SAR1A: variants seen among roughly 807,000 people sequenced by gnomAD.
SAR1A encodes the protein small COPII coat GTPase SAR1A.
SAR1A carries 6 observed loss-of-function variants against 22.6 expected under a neutral mutation model. That is an observed-to-expected ratio of 0.27 (90% CI 0.15 to 0.52). The LOEUF (loss-of-function observed/expected upper bound fraction) is 0.52. SAR1A is among the 20% of genes least tolerant of loss of function. The pLI is 0.96. For synonymous variants in SAR1A, 70 were observed against 82.2 expected (o/e 0.85, Z 0.80); for missense variants, 145 against 245.1 (o/e 0.59, Z 2.73).
intron 1 of SAR1A, among the ~76,000 whole-genome samples, chr10:70,162,437 G>GGAAAA (rs1299112110): frequency 6.3e-5 from 8 of 126,782 alleles, no homozygotes; most frequent in Non-Finnish European, 9.9e-5. Flanking sequence ...GGAAAGGAAA[G>GGAAAA]GAAAAGAAAA....
chr10:70,154,271 A>G (rs1839359906), intron 5 of SAR1A, among the ~76,000 whole-genome samples: 2 of 152,212 alleles, frequency 1.3e-5, no homozygotes, highest in Admixed American at 6.5e-5. Flanking sequence ...GCCACAAACT[A>G]TCCTCAGGAT....
chr10:70,154,507 T>G (rs889960473), intron 5 of SAR1A, among the ~76,000 whole-genome samples: 1 of 123,060 alleles, frequency 8.1e-6, no homozygotes, highest in Non-Finnish European at 1.9e-5. Context: ...ATTATGTTTT[T>G]TTTCTTTTTT....
At chr10:70,167,466 G>C (rs61740191) in intron 1 of SAR1A, 1 of 152,198 alleles carries the variant, frequency 6.6e-6, no homozygotes, top group African/African-American at 2.4e-5. Context: ...AGCTGGGCGC[G>C]GCAGCGCTTG....
chr10:70,148,261 TTAAA>T lies in SAR1A; in HGVS notation c.*4211_*4214del, dbSNP rs1348292294. 2.0e-5 allele frequency: 3 copies of T among 152,378 alleles called. No individual in the cohort carries two copies. The highest frequency in any genetic ancestry group is 7.2e-5 in the African/African-American group (3 of 41,584). The allele number at this position is 152,378 out of a possible 1,614,324, so 9.4% of individuals were successfully genotyped here. A position where few individuals can be genotyped will look rare whatever the true frequency, so the allele number is the denominator to read the frequency against. ...TCTCTAATCTTTCTGCCTGAATTCT[TTAAA>T]TAAAGTTAACACTGCTTGGTATAAC... is the stretch of plus-strand genomic sequence containing the variant. On this transcript the variant is annotated 3_prime_UTR_variant, in exon 7 of 7. Transcript: ENST00000373241.
intron 1 of SAR1A, among the ~76,000 whole-genome samples, chr10:70,162,443 GA>G (rs1261161241): frequency 1.3e-4 from 16 of 122,944 alleles, no homozygotes; most frequent in African/African-American, 4.8e-4. Flanking sequence ...GAAAGGAAAA[GA>G]AAAGAAAAGA....
chr10:70,157,873 A>G lies in SAR1A; in HGVS notation c.245-6T>C. On this transcript the variant is annotated splice_region_variant and splice_polypyrimidine_tract_variant and intron_variant, in intron 4 of 6. Transcript: ENST00000373241. The stretch of plus-strand genomic sequence containing the variant: ...ATTTTTCCAAACGCGACGTGCTAAA[A>G]AACAAAGTTTGTAGTTGCATGAGTA... The G allele has an allele frequency of 6.2e-7, 1 of 1,604,380 alleles. No individual in the cohort carries two copies.
rs2136727854 is a variant in SAR1A at position 70,170,403 on chromosome 10, TCA to T, written c.-17+8_-17+9del. ...CCAACTCCCCTCCCCGACGCGACCC[TCA>T]GACTCACGGCCTGAGGGGCTCCTCC... On this transcript the variant is annotated splice_region_variant and intron_variant, in intron 1 of 6. Transcript: ENST00000373241. The T allele has an allele frequency of 7.6e-6, 1 of 131,174 alleles. No individual in the cohort carries two copies. Among genetic ancestry groups the T allele is most frequent in the African/African-American group, 2.9e-5 (1 of 34,140 alleles). The allele number at this position is 131,174 out of a possible 1,614,324, so 8.1% of individuals were successfully genotyped here. A position where few individuals can be genotyped will look rare whatever the true frequency, so the allele number is the denominator to read the frequency against.
At position 70,154,390 on chromosome 10, in the gene SAR1A, T is replaced by G. The variant is rs559431983; in HGVS notation, c.349-421A>C. Among the ~76,000 whole-genome samples, 233 of 152,340 alleles carry G rather than the reference T, an allele frequency of 1.5e-3. 1 individual carries two copies. The highest frequency in any genetic ancestry group is 2.7e-3 in the South Asian group (13 of 4,828). ...AAGTCCCATTGTGTGCGAAGAACTC[T>G]CTCAGGCATTGAGAGGAATAAAGTA... On this transcript the variant is annotated intron_variant, in intron 5 of 6. Coordinates refer to ENST00000373241, the MANE Select transcript of SAR1A (RefSeq NM_020150.5).
chr10:70,162,437 G>GGAAAGGAAAA (rs1465950286), intron 1 of SAR1A, among the ~76,000 whole-genome samples: 4 of 126,880 alleles, frequency 3.2e-5, no homozygotes, highest in South Asian at 3.0e-4. Context: ...GGAAAGGAAA[G>GGAAAGGAAAA]GAAAAGAAAA....
At chr10:70,170,113 C>A (rs1839606544) in intron 1 of SAR1A, among the ~76,000 whole-genome samples, 1 of 152,118 alleles carries the variant, frequency 6.6e-6, no homozygotes, top group Admixed American at 6.5e-5. Context: ...GGACATGGAG[C>A]CATTTCGTAA....
At chr10:70,160,896 A>C in intron 4 of SAR1A, 108 bp downstream of exon 4, 3 of 683,988 alleles carry the variant, frequency 4.4e-6, no homozygotes, top group Non-Finnish European at 7.5e-6. Context: ...CCTAATTCTA[A>C]AATGTAAGTA....
chr10:70,149,803 C>A lies in SAR1A; in HGVS notation c.*2673G>T, dbSNP rs1839306163. 1 of 152,150 alleles carries A rather than the reference C, an allele frequency of 6.6e-6. No individual in the cohort carries two copies. The allele number at this position is 152,150 out of a possible 1,614,324, so 9.4% of individuals were successfully genotyped here. A position where few individuals can be genotyped will look rare whatever the true frequency, so the allele number is the denominator to read the frequency against. Reference sequence around the variant, plus strand: ...CTCCTGAGCTCAGACAATCCACCCACCTCAGCCTCCCAAAGTGCTAGGATT... The same window carrying A: ...CTCCTGAGCTCAGACAATCCACCCAACTCAGCCTCCCAAAGTGCTAGGATT... On this transcript the variant is annotated 3_prime_UTR_variant, in exon 7 of 7. Transcript: ENST00000373241.
chr10:70,162,934 G>C (rs1399085996), intron 1 of SAR1A: 2 of 152,066 alleles, frequency 1.3e-5, no homozygotes, highest in Non-Finnish European at 2.9e-5. Context: ...TTGTTTTGTT[G>C]TGCCACAAAC....
intron 1 of SAR1A, among the ~76,000 whole-genome samples, chr10:70,168,817 A>G (rs1839586523): frequency 6.6e-6 from 1 of 152,050 alleles, no homozygotes; most frequent in African/African-American, 2.4e-5. Flanking sequence ...CCCAAAGTTA[A>G]GAAAATGCCC....
chr10:70,160,726 TA>T (rs1459871534), intron 4 of SAR1A, among the ~76,000 whole-genome samples: 1 of 152,210 alleles, frequency 6.6e-6, no homozygotes, highest in Admixed American at 6.5e-5. Flanking sequence ...GGCAAATACT[TA>T]AAAGTTCATG....
At chr10:70,157,422 A>C (rs1321617673) in intron 5 of SAR1A, among the ~76,000 whole-genome samples, 1 of 147,958 alleles carries the variant, frequency 6.8e-6, no homozygotes, top group Non-Finnish European at 1.5e-5. Flanking sequence ...AAAAAAAAAA[A>C]AAAAAAACAG....
Position 70,149,048 on chromosome 10 carries a change from T to A in SAR1A, c.*3428A>T, listed in dbSNP as rs2136705034. On this transcript the variant is annotated 3_prime_UTR_variant, in exon 7 of 7. Coordinates refer to ENST00000373241, the MANE Select transcript of SAR1A (RefSeq NM_020150.5). ...TCATTTGCCCATACAACCCATGGCA[T>A]CCTTTCACAGTAACAAGGACAACAG... 6.6e-6 allele frequency: 1 copy of A among 152,376 alleles called. No homozygotes were observed. The highest frequency in any genetic ancestry group is 2.1e-4 in the South Asian group (1 of 4,824). The allele number at this position is 152,376 out of a possible 1,614,324, so 9.4% of individuals were successfully genotyped here.
intron 1 of SAR1A, among the ~76,000 whole-genome samples, chr10:70,169,553 G>C (rs528763858): frequency 1.3e-5 from 2 of 152,310 alleles, no homozygotes; most frequent in South Asian, 2.1e-4. Context: ...TAGAAAAGGA[G>C]GGCACCAATC....
chr10:70,161,963 C>G, intron 1 of SAR1A, 32 bp from the exon 2 acceptor site: 1 of 1,462,390 alleles, frequency 6.8e-7, no homozygotes, highest in Non-Finnish European at 9.6e-7. Flanking sequence ...CAAACATTAG[C>G]TTTCTGAATG....
Sources: gnomAD v4.1 joint callset for allele counts (sites outside exome capture counted in the v4.1 genomes callset) on GRCh38, gnomAD v4.1.1 for gene constraint, MANE v1.5 for transcripts, NCBI Gene and HGNC (gene_info 2026-07-23, HGNC 2026-07-21) for gene names.